TENM3: variants seen among roughly 807,000 people sequenced by gnomAD.
TENM3 encodes teneurin transmembrane protein 3.
Under a neutral mutation model 255.1 loss-of-function variants are expected in TENM3, and 63 were observed. The observed-to-expected ratio is 0.25, with a 90% confidence interval of 0.20 to 0.30. The LOEUF is 0.30. Ranked by LOEUF, TENM3 falls within the 10% of genes least tolerant of loss-of-function variation. The pLI is 1.00. For missense variants in TENM3, 2,929 were observed against 3,461.1 expected, an observed-to-expected ratio of 0.85 and a Z score of 3.86; for synonymous variants, 1,306 against 1,322.3, an observed-to-expected ratio of 0.99 and a Z score of 0.27.
chr4:182,223,308 A>G (rs572387094), intron 1 of TENM3, among the ~76,000 whole-genome samples: 2 of 152,292 alleles, frequency 1.3e-5, no homozygotes, highest in Admixed American at 6.5e-5. Context: ...AAGAAAGACA[A>G]TGTATACATA....
the TENM3 span, among the ~76,000 whole-genome samples, chr4:182,086,249 T>A: frequency 6.6e-6 from 1 of 152,186 alleles, no homozygotes; most frequent in Non-Finnish European, 1.5e-5. Flanking sequence ...AATCACAGTC[T>A]GTCTTGCACC....
chr4:182,285,106 A>T (rs1434479946), intron 1 of TENM3, among the ~76,000 whole-genome samples: 1 of 152,106 alleles, frequency 6.6e-6, no homozygotes, highest in Non-Finnish European at 1.5e-5. Context: ...TATCAGTATT[A>T]AGGGTTGGTC....
the TENM3 span, among the ~76,000 whole-genome samples, chr4:182,091,114 A>C: frequency 6.6e-6 from 1 of 152,210 alleles, no homozygotes; most frequent in Non-Finnish European, 1.5e-5. Flanking sequence ...CGAGTTTCAG[A>C]ATGGAGAAAA....
the TENM3 span, among the ~76,000 whole-genome samples, chr4:181,801,816 T>G: frequency 6.6e-6 from 1 of 151,846 alleles, no homozygotes; most frequent in East Asian, 1.9e-4. Flanking sequence ...CACTTCCTAT[T>G]AGATTAAAAG....
chr4:182,239,033 ATGTGTG>A (rs10533748), upstream of TENM3, among the ~76,000 whole-genome samples: 4,528 of 140,110 alleles, frequency 0.032, 135 homozygotes, highest in African/African-American at 0.084. Flanking sequence ...AAAAATCTTT[ATGTGTG>A]TGTGTGTGTG....
Position 182,527,465 on chromosome 4 carries a change from A to G in TENM3, c.512-73459A>G, listed in dbSNP as rs147889522. ...AAAAAAAGGGTATTTAATTATGTAG[A>G]TTAAGGGGAACTATTATCTGTTGGT... On this transcript the variant is annotated intron_variant, in intron 3 of 27. Coordinates refer to ENST00000511685, the MANE Select transcript of TENM3 (RefSeq NM_001080477.4). Among the ~76,000 whole-genome samples the G allele has an allele frequency of 3.0e-3, 438 of 145,426 alleles. 1 individual carries two copies. The highest frequency in any genetic ancestry group is 4.8e-3 in the Admixed American group (68 of 14,110).
At chr4:182,220,876 A>C (rs1472865500) in intron 1 of TENM3, among the ~76,000 whole-genome samples, 1 of 152,228 alleles carries the variant, frequency 6.6e-6, no homozygotes, top group African/African-American at 2.4e-5. Flanking sequence ...TCATAGAAAG[A>C]ATATTTTTCT....
the TENM3 span, among the ~76,000 whole-genome samples, chr4:181,754,442 A>G: frequency 0.92 from 139,498 of 152,168 alleles, 63,961 homozygotes; most frequent in East Asian, 0.94. Context: ...TGTTTCAGTA[A>G]AGGAAAGAGA....
At chr4:181,710,801 TGCCTCCCTGAGA>T in the TENM3 span, among the ~76,000 whole-genome samples, 1 of 150,560 alleles carries the variant, frequency 6.6e-6, no homozygotes, top group South Asian at 2.1e-4. Context: ...CTCCCGCCTC[TGCCTCCCTGAGA>T]GCTGGGATTA....
At chr4:181,929,840 G>A in the TENM3 span, among the ~76,000 whole-genome samples, 2 of 152,166 alleles carry the variant, frequency 1.3e-5, no homozygotes, top group African/African-American at 4.8e-5. Flanking sequence ...TCAGACCACA[G>A]TGCAATCAAA....
the TENM3 span, among the ~76,000 whole-genome samples, chr4:181,577,068 A>G: frequency 8.9e-6 from 1 of 111,872 alleles, no homozygotes; most frequent in Non-Finnish European, 1.8e-5. Flanking sequence ...TATATATTAT[A>G]TATAAATAAT....
Position 182,680,920 on chromosome 4 carries a change from A to G in TENM3, c.1834+183A>G, listed in dbSNP as rs144384225. ...AACTAATAAAAAGAACAAGCACCAAAGGGCCCCTTTGCTCTTTTTCAGCAC... is the reference window on the plus strand; with the variant it reads ...AACTAATAAAAAGAACAAGCACCAAGGGGCCCCTTTGCTCTTTTTCAGCAC... On this transcript the variant is annotated intron_variant, in intron 10 of 27. Coordinates refer to ENST00000511685, the MANE Select transcript of TENM3 (RefSeq NM_001080477.4). 8.9e-3 allele frequency among the ~76,000 whole-genome samples: 1,363 copies of G among 152,336 alleles called. 17 individuals are homozygous for G. Among genetic ancestry groups the G allele is most frequent in the African/African-American group, 0.031 (1,302 of 41,582 alleles).
chr4:182,578,134 GC>G (rs1389317830), intron 3 of TENM3, among the ~76,000 whole-genome samples: 21 of 151,836 alleles, frequency 1.4e-4, no homozygotes, highest in African/African-American at 5.1e-4. Flanking sequence ...CCACCACCAC[GC>G]CCAGCTAATT....
At chr4:181,682,003 T>G in the TENM3 span, among the ~76,000 whole-genome samples, 1 of 152,046 alleles carries the variant, frequency 6.6e-6, no homozygotes, top group Non-Finnish European at 1.5e-5. Context: ...TACATGAAAG[T>G]TCAACAATTC....
chr4:182,650,944 C>G (rs568114836), intron 5 of TENM3, among the ~76,000 whole-genome samples: 1 of 140,992 alleles, frequency 7.1e-6, no homozygotes, highest in Non-Finnish European at 1.5e-5. Flanking sequence ...TGTTGCCTAT[C>G]TGGCAAAAAA....
the TENM3 span, among the ~76,000 whole-genome samples, chr4:181,992,113 A>G: frequency 4.6e-5 from 7 of 152,108 alleles, no homozygotes; most frequent in Admixed American, 1.3e-4. Context: ...TACATGGCAT[A>G]TTTTACCTGA....
chr4:182,409,240 T>C (rs1022569998), intron 3 of TENM3, among the ~76,000 whole-genome samples: 1 of 152,200 alleles, frequency 6.6e-6, no homozygotes, highest in Admixed American at 6.5e-5. Context: ...AGCTCTCTCT[T>C]ACCTGTTGGA....
At chr4:181,993,922 A>AACTT in the TENM3 span, among the ~76,000 whole-genome samples, 2 of 152,120 alleles carry the variant, frequency 1.3e-5, no homozygotes, top group Admixed American at 6.6e-5. Flanking sequence ...CCCCAGATGA[A>AACTT]ACTTAGAAGA....
At chr4:182,637,878 A>G (rs991202181) in intron 5 of TENM3, among the ~76,000 whole-genome samples, 1 of 152,228 alleles carries the variant, frequency 6.6e-6, no homozygotes, top group Non-Finnish European at 1.5e-5. Context: ...GGCCTAAATA[A>G]TAACTGAGAT....
Sources: gnomAD v4.1 joint callset for allele counts (sites outside exome capture counted in the v4.1 genomes callset) on GRCh38, gnomAD v4.1.1 for gene constraint, MANE v1.5 for transcripts, NCBI Gene and HGNC (gene_info 2026-07-23, HGNC 2026-07-21) for gene names.